Variants in FBLN2 observed in about 807,000 individuals in gnomAD.
The protein encoded by FBLN2 is fibulin 2.
Under a neutral mutation model 123.7 loss-of-function variants are expected in FBLN2, and 81 were observed. That is an observed-to-expected ratio of 0.65 (90% CI 0.55 to 0.79). FBLN2 has a LOEUF of 0.79. Among genes scored for constraint, FBLN2 ranks in the 30% least tolerant of loss-of-function variants. The probability of loss-of-function intolerance (pLI) is 0.00; values close to 1 mark genes in which losing one functional copy is unlikely to be tolerated. For synonymous variants in FBLN2, 699 were observed against 701.4 expected (o/e 1.00, Z 0.05); for missense variants, 1,603 against 1,681.3 (o/e 0.95, Z 0.81).
Position 13,627,892 on chromosome 3 carries a change from C to T in FBLN2, c.2492C>T (p.Thr831Ile), listed in dbSNP as rs746153989. 3 of 1,613,690 alleles carry T rather than the reference C, an allele frequency of 1.9e-6. No homozygotes were observed. Among genetic ancestry groups the T allele is most frequent in the African/African-American group, 2.7e-5 (2 of 74,934 alleles). The change falls in exon 11 of 18, where the codon ACC (threonine) becomes ATC (isoleucine). Residue 831 changes from threonine to isoleucine, a missense_variant. Thr to Ile is a moderately conservative substitution (Grantham distance 89). Coordinates refer to ENST00000404922, the MANE Select transcript of FBLN2 (RefSeq NM_001004019.2). ...TCQPGFLCQN[T>I]KGSFYCQARQ... ...CAGCCGGGCTTCTTGTGCCAGAACACCAAGGGCTCCTTCTACTGCCAGGCC... is the reference window on the plus strand; with the variant it reads ...CAGCCGGGCTTCTTGTGCCAGAACATCAAGGGCTCCTTCTACTGCCAGGCC...
intron 1 of FBLN2, chr3:13,569,168 A>T (rs1703840329): frequency 1.8e-6 from 1 of 545,874 alleles, no homozygotes; most frequent in Non-Finnish European, 2.3e-6. Context: ...ACTGGTGAGA[A>T]GGTGGCATTT....
In FBLN2 at chr3:13,628,865, A is replaced by G. The variant is rs747876416; in HGVS notation, c.2570-40A>G. 1.2e-6 allele frequency: 2 copies of G among 1,600,532 alleles called. 1 individual carries two copies. Among genetic ancestry groups the G allele is most frequent in the Non-Finnish European group, 1.7e-6 (2 of 1,171,912 alleles). On this transcript the variant is annotated intron_variant, in intron 11 of 17. Transcript: ENST00000404922. ...GGGAGGGGCTGGGGCCTGGGAGGAC[A>G]CCATGCCGGGCTCCCTGTCACCTAC... is the stretch of plus-strand genomic sequence containing the variant.
At chr3:13,609,245 G>A (rs1485644136) in intron 3 of FBLN2, among the ~76,000 whole-genome samples, 1 of 152,224 alleles carries the variant, frequency 6.6e-6, no homozygotes, top group African/African-American at 2.4e-5. Flanking sequence ...CGACCGTTGT[G>A]GGGGTGGGGA....
At chr3:13,551,935 C>T (rs534722001) in intron 1 of FBLN2, among the ~76,000 whole-genome samples, 184 of 151,208 alleles carry the variant, frequency 1.2e-3, no homozygotes, top group Non-Finnish European at 2.3e-3. Context: ...GCCTCAAACT[C>T]CTGGGCTCAA....
chr3:13,611,904 A>G (rs1395801631), intron 4 of FBLN2, among the ~76,000 whole-genome samples: 1 of 152,190 alleles, frequency 6.6e-6, no homozygotes, highest in Admixed American at 6.5e-5. Context: ...ATGAGAAAAA[A>G]GGGAAACAGA....
At chr3:13,576,179 G>C (rs1704134696) in intron 2 of FBLN2, among the ~76,000 whole-genome samples, 2 of 152,192 alleles carry the variant, frequency 1.3e-5, no homozygotes, top group African/African-American at 2.4e-5. Context: ...GGAGGACTTG[G>C]GAGATGGGAA....
intron 10 of FBLN2, 137 bp from the exon 11 acceptor site, chr3:13,627,695 G>A (rs1010044272): frequency 1.5e-5 from 17 of 1,123,158 alleles, no homozygotes; most frequent in Middle Eastern, 3.0e-4. Flanking sequence ...GCAACAATGT[G>A]GCTGTGCCAG....
At chr3:13,593,489 G>A (rs543633754) in intron 2 of FBLN2, among the ~76,000 whole-genome samples, 37 of 152,156 alleles carry the variant, frequency 2.4e-4, no homozygotes, top group African/African-American at 8.7e-4. Context: ...GCTGAGGTGG[G>A]TGGATCACGA....
chr3:13,637,841 G>C lies in FBLN2; in HGVS notation c.3618G>C (p.Glu1206Asp). 1 of 1,613,252 alleles carries C rather than the reference G, an allele frequency of 6.2e-7. No individual in the cohort carries two copies. The highest frequency in any genetic ancestry group is 8.5e-7 in the Non-Finnish European group (1 of 1,179,358). Reference sequence around the variant, plus strand: ...CCCGGGACTTTGCCCTGGACGTGGAGATGAAGCTCTGGAGGCAGGGCTCCG... The same window carrying C: ...CCCGGGACTTTGCCCTGGACGTGGACATGAAGCTCTGGAGGCAGGGCTCCG... ...LEPRDFALDVEMKLWRQGSVT... is the reference protein window; with the variant it reads ...LEPRDFALDVDMKLWRQGSVT... The change falls in exon 18 of 18, where the codon GAG (glutamate) becomes GAC (aspartate). Residue 1206 changes from glutamate (E) to aspartate (D), a missense_variant. Transcript: ENST00000404922.
intron 17 of FBLN2, among the ~76,000 whole-genome samples, chr3:13,636,963 C>T (rs1706494833): frequency 1.3e-5 from 2 of 152,164 alleles, no homozygotes; most frequent in South Asian, 2.1e-4. Flanking sequence ...GCTGCCTGTC[C>T]GGGGTGCGGG....
intron 1 of FBLN2, among the ~76,000 whole-genome samples, chr3:13,559,855 C>T (rs1273955957): frequency 6.6e-6 from 1 of 152,156 alleles, no homozygotes; most frequent in Admixed American, 6.5e-5. Flanking sequence ...AGGAGCAGAC[C>T]ATGTGGAGCA....
At position 13,626,433 on chromosome 3, in the gene FBLN2, C is replaced by A. The variant is rs765626708; in HGVS notation, c.2297-12C>A. The A allele has an allele frequency of 2.6e-6, 4 of 1,565,040 alleles. No individual in the cohort carries two copies. The highest frequency in any genetic ancestry group is 2.6e-6 in the Non-Finnish European group (3 of 1,150,762). On this transcript the variant is annotated splice_polypyrimidine_tract_variant and intron_variant, in intron 9 of 17. Coordinates refer to ENST00000404922, the MANE Select transcript of FBLN2 (RefSeq NM_001004019.2). ...GACTCTGCAGCCTCTGATGGCCTCG[C>A]TCTCCCTGCAGACATCAACGAGTGT...
intron 2 of FBLN2, among the ~76,000 whole-genome samples, chr3:13,588,847 A>G (rs1574964322): frequency 1.3e-5 from 2 of 152,350 alleles, no homozygotes; most frequent in East Asian, 1.9e-4. Context: ...AATATCTCTT[A>G]TTAAACTGTA....
chr3:13,620,943 G>A (rs1247009551), intron 8 of FBLN2, among the ~76,000 whole-genome samples: 1 of 152,218 alleles, frequency 6.6e-6, no homozygotes, highest in Non-Finnish European at 1.5e-5. Flanking sequence ...CGATGCTGGG[G>A]GCAGCTCTCA....
intron 9 of FBLN2, among the ~76,000 whole-genome samples, chr3:13,626,220 C>T (rs988135143): frequency 1.4e-4 from 22 of 152,318 alleles, no homozygotes; most frequent in Admixed American, 1.2e-3. Context: ...CACTGATGTA[C>T]ACCCAGTGCC....
chr3:13,593,760 G>C (rs570143139), intron 2 of FBLN2, among the ~76,000 whole-genome samples: 1 of 150,998 alleles, frequency 6.6e-6, no homozygotes, highest in Admixed American at 6.6e-5. Flanking sequence ...CTAGCCTGCA[G>C]GGTTGTGGGG....
At chr3:13,623,642 G>C (rs994341459) in intron 9 of FBLN2, among the ~76,000 whole-genome samples, 5 of 152,170 alleles carry the variant, frequency 3.3e-5, no homozygotes, top group African/African-American at 4.8e-5. Flanking sequence ...GGTGAGATGC[G>C]AGGCTTATGC....
chr3:13,574,441 C>G (rs1477407525), intron 2 of FBLN2, among the ~76,000 whole-genome samples: 1 of 152,206 alleles, frequency 6.6e-6, no homozygotes, highest in Non-Finnish European at 1.5e-5. Flanking sequence ...TGAGTGACAA[C>G]AGACGTCAGA....
chr3:13,608,278 C>T, intron 3 of FBLN2, 105 bp downstream of exon 3: 2 of 760,460 alleles, frequency 2.6e-6, no homozygotes, highest in Non-Finnish European at 4.3e-6. Flanking sequence ...AGTGCACCTT[C>T]ACATGCCTCT....
Sources: allele counts gnomAD v4.1 joint callset (sites outside exome capture counted in the v4.1 genomes callset), GRCh38; gene constraint gnomAD v4.1.1; transcripts MANE v1.5; gene names NCBI Gene and HGNC (gene_info 2026-07-23, HGNC 2026-07-21).